Variants in NRG3 observed in about 807,000 individuals in gnomAD.
The protein encoded by NRG3 is pro-neuregulin-3, membrane-bound isoform.
In NRG3, 31 loss-of-function variants were observed where a neutral mutation model predicts 66.9. That is an observed-to-expected ratio of 0.46 (90% CI 0.35 to 0.63). The LOEUF (loss-of-function observed/expected upper bound fraction) is 0.63. Among genes scored for constraint, NRG3 ranks in the 20% least tolerant of loss-of-function variants. The probability of loss-of-function intolerance (pLI) is 0.00; values close to 1 mark genes in which losing one functional copy is unlikely to be tolerated. For missense variants in NRG3, 910 were observed against 878.9 expected (o/e 1.04, Z -0.45); for synonymous variants, 393 against 359.4 (o/e 1.09, Z -1.06).
chr10:82,522,067 A>G lies in NRG3; in HGVS notation c.953+163199A>G, dbSNP rs565990454. Among the ~76,000 whole-genome samples, 471 of 131,486 alleles carry G rather than the reference A, an allele frequency of 3.6e-3. 3 individuals carry two copies. Among genetic ancestry groups the G allele is most frequent in the African/African-American group, 0.013 (463 of 35,058 alleles). 86.3% of individuals were successfully genotyped at this position (131,486 alleles called of 152,430 possible). A position where few individuals can be genotyped will look rare whatever the true frequency, so the allele number is the denominator to read the frequency against. On this transcript the variant is annotated intron_variant, in intron 2 of 8. Coordinates refer to ENST00000372141, the MANE Select transcript of NRG3 (RefSeq NM_001010848.4). ...TTTTTTTTTTTTTTTTTTTTGAGAC[A>G]GAGTCTCTCTCTTTAGCCCAGGCTG...
chr10:82,787,392 A>C (rs1462129981), intron 3 of NRG3, among the ~76,000 whole-genome samples: 1 of 152,180 alleles, frequency 6.6e-6, no homozygotes, highest in East Asian at 1.9e-4. Context: ...AGGCGATCAT[A>C]TCATGCTATA....
intron 2 of NRG3, among the ~76,000 whole-genome samples, chr10:82,362,845 T>G (rs188122687): frequency 6.6e-6 from 1 of 152,160 alleles, no homozygotes; most frequent in East Asian, 1.9e-4. Flanking sequence ...GTAAATAGAA[T>G]CAGAAGTGTA....
At chr10:81,986,470 G>C (rs947628585) in intron 1 of NRG3, among the ~76,000 whole-genome samples, 3 of 152,088 alleles carry the variant, frequency 2.0e-5, no homozygotes, top group African/African-American at 7.2e-5. Flanking sequence ...TACAAATCAT[G>C]AAACCTAAGA....
chr10:82,090,219 A>T (rs985363374), intron 1 of NRG3, among the ~76,000 whole-genome samples: 13 of 152,194 alleles, frequency 8.5e-5, no homozygotes, highest in African/African-American at 3.1e-4. Context: ...TTTTTTATTG[A>T]GAATACTAAT....
At chr10:82,895,111 T>G (rs189086160) in intron 4 of NRG3, among the ~76,000 whole-genome samples, 2 of 152,216 alleles carry the variant, frequency 1.3e-5, no homozygotes, top group South Asian at 4.1e-4. Flanking sequence ...CCACGGTGTA[T>G]ATGTGCCACA....
At chr10:82,057,148 G>A (rs992147016) in intron 1 of NRG3, among the ~76,000 whole-genome samples, 14 of 151,802 alleles carry the variant, frequency 9.2e-5, no homozygotes, top group African/African-American at 3.4e-4. Context: ...CCTTATATGT[G>A]TACTTCATTT....
chr10:82,596,648 G>A (rs1276124590), intron 2 of NRG3, among the ~76,000 whole-genome samples: 3 of 152,030 alleles, frequency 2.0e-5, no homozygotes, highest in South Asian at 2.1e-4. Flanking sequence ...GGGCTTTAGC[G>A]GTATGTTTTT....
At position 82,979,064 on chromosome 10, in the gene NRG3, A is replaced by G. The variant is rs780751092; in HGVS notation, c.1527A>G (p.Ala509=). The G allele has an allele frequency of 8.7e-6, 14 of 1,614,036 alleles. No individual in the cohort carries two copies. In the South Asian group the frequency reaches 1.2e-4, roughly 14 times the overall value. The change falls in exon 8 of 9, where the codon GCA becomes GCG. Residue 509 remains alanine (A), a synonymous_variant. Coordinates refer to ENST00000372141, the MANE Select transcript of NRG3 (RefSeq NM_001010848.4). ...GGCTAGGTGGAATTGTGGGACCAGCATATCAGCAACTCGAAGAATCAAGGA... is the reference window on the plus strand; with the variant it reads ...GGCTAGGTGGAATTGTGGGACCAGCGTATCAGCAACTCGAAGAATCAAGGA... The part of the protein sequence containing the change: ...RSRLGGIVGP[A]YQQLEESRIP...
intron 2 of NRG3, among the ~76,000 whole-genome samples, chr10:82,406,408 A>G (rs964140862): frequency 3.3e-5 from 5 of 152,306 alleles, no homozygotes; most frequent in Middle Eastern, 3.4e-3. Context: ...CAAACCAGTG[A>G]GGGAGAAAAA....
intron 2 of NRG3, among the ~76,000 whole-genome samples, chr10:82,470,000 G>A (rs933451899): frequency 2.6e-5 from 4 of 152,078 alleles, no homozygotes; most frequent in South Asian, 4.1e-4. Context: ...AAAACTTGCC[G>A]TGTTTCTACT....
chr10:82,908,797 A>G (rs1183578862), intron 4 of NRG3, among the ~76,000 whole-genome samples: 2 of 152,234 alleles, frequency 1.3e-5, no homozygotes, highest in Non-Finnish European at 2.9e-5. Flanking sequence ...CAATGAGATA[A>G]GAGATTTGTG....
intron 1 of NRG3, among the ~76,000 whole-genome samples, chr10:82,126,554 A>G (rs1320953235): frequency 6.6e-6 from 1 of 152,078 alleles, no homozygotes; most frequent in Non-Finnish European, 1.5e-5. Flanking sequence ...TTATCACTTC[A>G]TTCTGACTGC....
chr10:81,970,577 T>G (rs1258554702), intron 1 of NRG3, among the ~76,000 whole-genome samples: 1 of 152,158 alleles, frequency 6.6e-6, no homozygotes, highest in Non-Finnish European at 1.5e-5. Flanking sequence ...TATTTGCAAA[T>G]TAAGTATTTT....
chr10:81,875,817 C>A lies in NRG3; in HGVS notation c.477C>A (p.Thr159=). 1.9e-6 allele frequency: 3 copies of A among 1,609,352 alleles called. No individual in the cohort carries two copies. The highest frequency in any genetic ancestry group is 2.5e-6 in the Non-Finnish European group (3 of 1,179,782). ...CCAACCGGATTAGCACTCGCCTGAC[C>A]ACCATCACGCGGGCGCCCACTCGCT... ...RTPNRISTRL[T]TITRAPTRFP... is the part of the protein sequence containing the mutation. Residue 159 remains threonine, a synonymous_variant, in exon 1 of 9, where the codon ACC becomes ACA. Transcript: ENST00000372141. This position sits in a 1 kb window ranked among gnomAD's most constrained non-coding sequence, Gnocchi z 5.3.
chr10:82,093,309 T>C (rs2132016962), intron 1 of NRG3, among the ~76,000 whole-genome samples: 1 of 152,290 alleles, frequency 6.6e-6, no homozygotes, highest in Admixed American at 6.5e-5. Flanking sequence ...AAACATACCA[T>C]TTATCTGGCT....
At chr10:82,842,948 G>C (rs367795797) in intron 3 of NRG3, among the ~76,000 whole-genome samples, 3 of 152,154 alleles carry the variant, frequency 2.0e-5, no homozygotes, top group African/African-American at 4.8e-5. Flanking sequence ...ATTAGGCACA[G>C]TAAGAGATTA....
At chr10:82,078,122 A>C (rs1478569071) in intron 1 of NRG3, among the ~76,000 whole-genome samples, 1 of 152,172 alleles carries the variant, frequency 6.6e-6, no homozygotes, top group East Asian at 1.9e-4. Flanking sequence ...AAAATTAAAA[A>C]AAAATTTTTT....
chr10:82,314,482 A>G (rs1292930623), intron 1 of NRG3, among the ~76,000 whole-genome samples: 1 of 152,018 alleles, frequency 6.6e-6, no homozygotes, highest in Non-Finnish European at 1.5e-5. Context: ...TGACTGACCC[A>G]TTTGTTTCCA....
At chr10:82,424,410 CT>C (rs1395026877) in intron 2 of NRG3, among the ~76,000 whole-genome samples, 1 of 151,890 alleles carries the variant, frequency 6.6e-6, no homozygotes, top group African/African-American at 2.4e-5. Context: ...ATAATGAGCA[CT>C]TTTTGTATGC....
Sources: gnomAD v4.1 joint callset for allele counts (sites outside exome capture counted in the v4.1 genomes callset) on GRCh38, gnomAD v4.1.1 for gene constraint, Gnocchi (gnomAD v3.1) non-coding constraint, MANE v1.5 for transcripts, NCBI Gene and HGNC (gene_info 2026-07-23, HGNC 2026-07-21) for gene names.